The following MROH9 variants were observed in gnomAD, a reference collection of about 807,000 sequenced individuals.
MROH9 encodes maestro heat-like repeat-containing protein family member 9.
MROH9 carries 92 observed loss-of-function variants against 98.2 expected under a neutral mutation model. The observed-to-expected ratio is 0.94, with a 90% CI of 0.79 to 1.11. The LOEUF (loss-of-function observed/expected upper bound fraction) is 1.11, where lower values mean the gene tolerates loss of function less well. MROH9 is among the 50% of genes most tolerant of loss of function. The probability of loss-of-function intolerance (pLI) is 0.00; values close to 1 mark genes in which losing one functional copy is unlikely to be tolerated. For missense variants in MROH9, 1,057 were observed against 1,014.8 expected, an observed-to-expected ratio of 1.04 and a Z score of -0.57; for synonymous variants, 397 against 368.9, an observed-to-expected ratio of 1.08 and a Z score of -0.87.
At chr1:171,054,278 G>T (rs1253722808) in intron 20 of MROH9, among the ~76,000 whole-genome samples, 1 of 152,256 alleles carries the variant, frequency 6.6e-6, no homozygotes, top group Middle Eastern at 3.4e-3. Flanking sequence ...ATAAAGTGGG[G>T]ATATGACACC....
chr1:170,998,391 A>C, intron 15 of MROH9, 117 bp downstream of exon 15: 1 of 1,608,984 alleles, frequency 6.2e-7, no homozygotes, highest in South Asian at 1.1e-5. Context: ...ACCAAGACTT[A>C]AGATCATGAA....
rs758220826 is a variant in MROH9, at chr1:170,947,454, GA to G, written c.26-70del. 126 of 1,307,040 alleles carry G rather than the reference GA, an allele frequency of 9.6e-5. 2 individuals are homozygous for G. In the Middle Eastern group the frequency reaches 2.0e-3, roughly 21 times the overall value. 81.0% of individuals were successfully genotyped at this position (1,307,040 alleles called of 1,614,324 possible). ...CAAGGTCATAGTAGCTTCAGGTTTG[GA>G]AATAAGGCCCCACTAAGATGATAGG... On this transcript the variant is annotated intron_variant, in intron 2 of 21. Coordinates refer to ENST00000367759, the MANE Select transcript of MROH9 (RefSeq NM_001163629.2).
At chr1:171,064,035 T>C in intron 21 of MROH9, 64 bp from the exon 22 acceptor site, 1 of 1,465,188 alleles carries the variant, frequency 6.8e-7, no homozygotes. Context: ...GGCTGTTTAG[T>C]ATTAAAGCTT....
At chr1:170,970,398 A>G (rs1240774796) in intron 7 of MROH9, among the ~76,000 whole-genome samples, 2 of 151,862 alleles carry the variant, frequency 1.3e-5, no homozygotes, top group East Asian at 3.9e-4. Context: ...GGAAAAAAAA[A>G]AAACTTGGAA....
rs534118722 is a variant in MROH9 at position 170,989,121 on chromosome 1, T to C, written c.880-734T>C. Among the ~76,000 whole-genome samples, 116 of 152,354 alleles carry C rather than the reference T, an allele frequency of 7.6e-4. 3 individuals are homozygous for C. In the South Asian group the frequency reaches 0.024, roughly 31 times the overall value. ...CAGGGTAATGTAAATTTGCATCAAC[T>C]AATTTTTCAGCTTATAATCTCTGTT... On this transcript the variant is annotated intron_variant, in intron 10 of 21. Coordinates refer to ENST00000367759, the MANE Select transcript of MROH9 (RefSeq NM_001163629.2).
intron 8 of MROH9, among the ~76,000 whole-genome samples, chr1:170,974,063 G>T (rs746158883): frequency 1.3e-5 from 2 of 152,088 alleles, no homozygotes; most frequent in Non-Finnish European, 2.9e-5. Context: ...CAAAAACTTT[G>T]CAGAAGAAAA....
intron 8 of MROH9, among the ~76,000 whole-genome samples, chr1:170,973,517 G>T (rs1210478123): frequency 6.6e-6 from 1 of 150,700 alleles, no homozygotes; most frequent in South Asian, 2.1e-4. Context: ...AATACCCCTA[G>T]AAATAAAAAA....
chr1:171,010,143 T>C (rs1571499813), intron 15 of MROH9, among the ~76,000 whole-genome samples: 1 of 152,126 alleles, frequency 6.6e-6, no homozygotes, highest in African/African-American at 2.4e-5. Flanking sequence ...GTTCCCCTCC[T>C]TATGTCCATG....
intron 2 of MROH9, among the ~76,000 whole-genome samples, chr1:170,946,606 G>A (rs1037184067): frequency 6.6e-6 from 1 of 151,980 alleles, no homozygotes; most frequent in Non-Finnish European, 1.5e-5. Context: ...GGAACTGGTT[G>A]AAGGATACAT....
chr1:171,051,423 A>G (rs1386476560), intron 20 of MROH9, among the ~76,000 whole-genome samples: 1 of 152,178 alleles, frequency 6.6e-6, no homozygotes, highest in African/African-American at 2.4e-5. Flanking sequence ...AAGGAATGAG[A>G]TCATGTCCTT....
intron 3 of MROH9, among the ~76,000 whole-genome samples, chr1:170,948,483 A>G (rs1649420355): frequency 6.6e-6 from 1 of 152,056 alleles, no homozygotes; most frequent in South Asian, 2.1e-4. Flanking sequence ...TATAGTCCAT[A>G]GAGTCAGAAA....
intron 8 of MROH9, among the ~76,000 whole-genome samples, chr1:170,978,395 G>T (rs76562926): frequency 6.6e-6 from 1 of 152,296 alleles, no homozygotes; most frequent in African/African-American, 2.4e-5. Flanking sequence ...TCCCCAGGGA[G>T]ACTCCAGCCA....
chr1:171,046,878 G>A lies in MROH9; in HGVS notation c.2282-15254G>A, dbSNP rs534157559. On this transcript the variant is annotated intron_variant, in intron 20 of 21. Transcript: ENST00000367759. ...GTATTGATGAAATCCCTCAGCTTTT[G>A]TTTATCTGGAAAAGCCTTTATTTCT... Among the ~76,000 whole-genome samples, 3 of 152,120 alleles carry A rather than the reference G, an allele frequency of 2.0e-5. No homozygotes were observed. The South Asian group carries it at 6.2e-4, about 32-fold the overall frequency.
intron 17 of MROH9, among the ~76,000 whole-genome samples, chr1:171,017,657 G>A (rs767508110): frequency 1.3e-5 from 2 of 152,062 alleles, no homozygotes; most frequent in Non-Finnish European, 2.9e-5. Context: ...AGCCCCCATG[G>A]TGGGGGTAGG....
chr1:170,981,839 AAAT>A (rs1270323208), intron 8 of MROH9, among the ~76,000 whole-genome samples: 2 of 152,178 alleles, frequency 1.3e-5, no homozygotes, highest in African/African-American at 4.8e-5. Flanking sequence ...GGAGCAAATC[AAAT>A]AATGTTCTAT....
chr1:171,062,248 T>C (rs1654037718), intron 21 of MROH9, 54 bp downstream of exon 21: 3 of 1,269,956 alleles, frequency 2.4e-6, no homozygotes, highest in Admixed American at 2.1e-5. Context: ...ATACATTTAC[T>C]ATTTTTAATT....
At chr1:171,062,246 A>G (rs1362447494) in intron 21 of MROH9, 52 bp downstream of exon 21, 1 of 1,292,766 alleles carries the variant, frequency 7.7e-7, no homozygotes, top group Non-Finnish European at 1.1e-6. Context: ...AAATACATTT[A>G]CTATTTTTAA....
In MROH9 at chr1:170,995,527, GC is replaced by G; in HGVS notation, c.1334del (p.Ala445ValfsTer8). 1 of 1,613,034 alleles carries G rather than the reference GC, an allele frequency of 6.2e-7. No individual in the cohort carries two copies. Among genetic ancestry groups the G allele is most frequent in the Non-Finnish European group, 8.5e-7 (1 of 1,179,342 alleles). On this transcript the variant is annotated frameshift_variant, in exon 13 of 22. Transcript: ENST00000367759. LOFTEE classifies it high-confidence loss of function. ...GCTGAAACCGATACTCAAGGACAGG[GC>G]TTTGTGAGTTAAAACTGGTTATTTC... ...SELKPILKDR[A>X]LYAQDALRVL...
intron 15 of MROH9, 77 bp from the exon 16 acceptor site, chr1:171,014,040 A>T (rs985058615): frequency 2.4e-6 from 3 of 1,241,004 alleles, no homozygotes; most frequent in East Asian, 2.6e-5. Context: ...TTTTACCTAG[A>T]ATATCTTGAT....
Sources: allele counts gnomAD v4.1 joint callset (sites outside exome capture counted in the v4.1 genomes callset), GRCh38; gene constraint gnomAD v4.1.1; transcripts MANE v1.5; gene names NCBI Gene and HGNC (gene_info 2026-07-23, HGNC 2026-07-21).